The following SH3BGRL2 variants were observed in gnomAD, a reference collection of about 807,000 sequenced individuals.
SH3BGRL2 encodes SH3 domain binding glutamate rich protein like 2, also known as SH3 domain-binding glutamic acid-rich-like protein 2.
SH3BGRL2 carries 21 observed loss-of-function variants against 14.8 expected under a neutral mutation model. That is an observed-to-expected ratio of 1.42 (90% confidence interval 1.01 to 2.05). SH3BGRL2 has a LOEUF of 2.05. Ranked by LOEUF, SH3BGRL2 falls within the 30% of genes most tolerant of loss-of-function variation. SH3BGRL2 has a pLI of 0.00. For synonymous variants in SH3BGRL2, 50 were observed against 47.8 expected, an observed-to-expected ratio of 1.05 and a Z score of -0.19; for missense variants, 147 against 130.8, an observed-to-expected ratio of 1.12 and a Z score of -0.61.
chr6:79,699,610 A>G lies in SH3BGRL2; in HGVS notation c.*101A>G, dbSNP rs774747157. On this transcript the variant is annotated 3_prime_UTR_variant, in exon 4 of 4. Coordinates refer to ENST00000369838, the MANE Select transcript of SH3BGRL2 (RefSeq NM_031469.4). ...CATCACTGTGACAAAAGCCACACGC[A>G]TTATCAGTAACTTTGCTTGCCACGG... The G allele has an allele frequency of 2.2e-6, 3 of 1,376,418 alleles. No homozygotes were observed. Among genetic ancestry groups the G allele is most frequent in the Non-Finnish European group, 2.9e-6 (3 of 1,047,262 alleles). 85.3% of individuals were successfully genotyped at this position (1,376,418 alleles called of 1,614,324 possible). A position where few individuals can be genotyped will look rare whatever the true frequency, so the allele number is the denominator to read the frequency against.
chr6:79,692,483 G>A (rs914541291), intron 2 of SH3BGRL2, among the ~76,000 whole-genome samples: 1 of 152,138 alleles, frequency 6.6e-6, no homozygotes, highest in Non-Finnish European at 1.5e-5. Context: ...GGTTTTTATG[G>A]TTCTAGGTCT....
the SH3BGRL2 span, among the ~76,000 whole-genome samples, chr6:79,547,923 G>C: frequency 6.6e-6 from 1 of 152,016 alleles, no homozygotes; most frequent in Non-Finnish European, 1.5e-5. Flanking sequence ...TGGAGTGCAG[G>C]GGCACAATCA....
rs1770434114 is a variant in SH3BGRL2, at chr6:79,700,572, T to C, written c.*1063T>C. 6.6e-6 allele frequency: 1 copy of C among 152,182 alleles called. No homozygotes were observed. Among genetic ancestry groups the C allele is most frequent in the African/African-American group, 2.4e-5 (1 of 41,438 alleles). The allele number at this position is 152,182 out of a possible 1,614,324, so 9.4% of individuals were successfully genotyped here. ...TTTGCTTGCTCATATTTCTGGCCAATGTACAGCCTCATATTTTTCAGAGTA... is the reference window on the plus strand; with the variant it reads ...TTTGCTTGCTCATATTTCTGGCCAACGTACAGCCTCATATTTTTCAGAGTA... On this transcript the variant is annotated 3_prime_UTR_variant, in exon 4 of 4. Coordinates refer to ENST00000369838, the MANE Select transcript of SH3BGRL2 (RefSeq NM_031469.4).
the SH3BGRL2 span, among the ~76,000 whole-genome samples, chr6:79,593,096 T>G: frequency 6.6e-6 from 1 of 152,190 alleles, no homozygotes; most frequent in Non-Finnish European, 1.5e-5. Context: ...CATTATAATT[T>G]TTCAAGAGAG....
At chr6:79,662,704 T>C (rs1258780867) in intron 1 of SH3BGRL2, among the ~76,000 whole-genome samples, 4 of 152,208 alleles carry the variant, frequency 2.6e-5, no homozygotes, top group Non-Finnish European at 5.9e-5. Flanking sequence ...CCTTGCTAGG[T>C]TGGGGAAGTT....
At chr6:79,683,490 G>A (rs917346408) in intron 2 of SH3BGRL2, among the ~76,000 whole-genome samples, 12 of 149,558 alleles carry the variant, frequency 8.0e-5, no homozygotes, top group African/African-American at 2.2e-4. Context: ...ATGGAGTCTC[G>A]CTCTGTTGCC....
the SH3BGRL2 span, among the ~76,000 whole-genome samples, chr6:79,614,972 A>G: frequency 3.9e-5 from 6 of 152,204 alleles, no homozygotes; most frequent in Non-Finnish European, 7.3e-5. Context: ...TTACTCCCTT[A>G]GAGGGGGTTC....
In SH3BGRL2 at chr6:79,691,675, G is replaced by A. The variant is rs1272611197; in HGVS notation, c.232-4810G>A. ...CCAGTTTCATCCATGTCCCTACAAA[G>A]GACATGAACTCATCATTTTTTATGG... On this transcript the variant is annotated intron_variant, in intron 2 of 3. Transcript: ENST00000369838. Among the ~76,000 whole-genome samples the A allele has an allele frequency of 7.3e-3, 1,110 of 151,030 alleles. 14 individuals are homozygous for A. Among genetic ancestry groups the A allele is most frequent in the African/African-American group, 0.025 (1,046 of 41,262 alleles).
chr6:79,699,227 A>C (rs979664005), intron 3 of SH3BGRL2, among the ~76,000 whole-genome samples: 3 of 152,200 alleles, frequency 2.0e-5, no homozygotes, highest in Admixed American at 2.0e-4. Flanking sequence ...CAAGTGGAAC[A>C]GTACCTCTGA....
At chr6:79,676,006 G>A (rs912757905) in intron 2 of SH3BGRL2, among the ~76,000 whole-genome samples, 1 of 152,136 alleles carries the variant, frequency 6.6e-6, no homozygotes, top group Admixed American at 6.6e-5. Flanking sequence ...TTGTTTCCCT[G>A]TGGGATGACT....
intron 2 of SH3BGRL2, among the ~76,000 whole-genome samples, chr6:79,678,183 C>G (rs147246658): frequency 6.6e-6 from 1 of 152,142 alleles, no homozygotes; most frequent in East Asian, 1.9e-4. Context: ...ATCTTAAGCA[C>G]TTTTAAGTGT....
the SH3BGRL2 span, among the ~76,000 whole-genome samples, chr6:79,608,913 C>T: frequency 6.6e-6 from 1 of 152,160 alleles, no homozygotes. Flanking sequence ...TACACTGCCC[C>T]CACAGAATGC....
chr6:79,556,090 A>AT, the SH3BGRL2 span, among the ~76,000 whole-genome samples: 2 of 3,874 alleles, frequency 5.2e-4, no homozygotes, highest in Non-Finnish European at 7.2e-4. Flanking sequence ...AATTCAAAAC[A>AT]AAAAGGAAGA....
At chr6:79,547,580 G>A in the SH3BGRL2 span, among the ~76,000 whole-genome samples, 1 of 152,044 alleles carries the variant, frequency 6.6e-6, no homozygotes, top group African/African-American at 2.4e-5. Flanking sequence ...CTCTCCCTCC[G>A]CCAGAGACTG....
the SH3BGRL2 span, among the ~76,000 whole-genome samples, chr6:79,599,081 C>CAA: frequency 9.4e-3 from 1,058 of 112,228 alleles, 15 homozygotes; most frequent in African/African-American, 0.033. Flanking sequence ...AACTCTGTCT[C>CAA]AAAAAAAAAA....
At chr6:79,550,321 C>T in the SH3BGRL2 span, among the ~76,000 whole-genome samples, 1 of 152,090 alleles carries the variant, frequency 6.6e-6, no homozygotes, top group African/African-American at 2.4e-5. Context: ...AACTGGAACC[C>T]ATATCAGAAA....
At chr6:79,631,548 C>T in intron 1 of SH3BGRL2, 42 bp downstream of exon 1, 1 of 1,366,076 alleles carries the variant, frequency 7.3e-7, no homozygotes, top group Non-Finnish European at 9.5e-7. Flanking sequence ...GGTCGCGGGG[C>T]GCGGGTCCTG....
At chr6:79,557,080 A>G in the SH3BGRL2 span, among the ~76,000 whole-genome samples, 2 of 151,942 alleles carry the variant, frequency 1.3e-5, no homozygotes, top group Admixed American at 1.3e-4. Flanking sequence ...GCCTACGTGA[A>G]AAAACATACA....
At chr6:79,564,007 CTG>C in the SH3BGRL2 span, among the ~76,000 whole-genome samples, 12 of 152,096 alleles carry the variant, frequency 7.9e-5, no homozygotes, top group African/African-American at 2.9e-4. Context: ...TATAAAAAAA[CTG>C]TTAGCAAAGA....
Sources: gnomAD v4.1 joint callset for allele counts (sites outside exome capture counted in the v4.1 genomes callset) on GRCh38, gnomAD v4.1.1 for gene constraint, MANE v1.5 for transcripts, NCBI Gene and HGNC (gene_info 2026-07-23, HGNC 2026-07-21) for gene names.